Variants in TAS2R1 observed in about 807,000 individuals in gnomAD.
TAS2R1 encodes taste receptor type 2 member 1.
For synonymous variants in TAS2R1, 141 were observed against 134.2 expected (o/e 1.05, Z -0.35); for missense variants, 370 against 353.4 (o/e 1.05, Z -0.38).
chr5:9,749,546 G>A, the TAS2R1 span, among the ~76,000 whole-genome samples: 2,543 of 152,270 alleles, frequency 0.017, 82 homozygotes, highest in African/African-American at 0.057. Flanking sequence ...GGAGACTATA[G>A]GTTAGGCTGA....
At chr5:9,851,518 G>GTTTTTT in the TAS2R1 span, among the ~76,000 whole-genome samples, 4 of 139,404 alleles carry the variant, frequency 2.9e-5, no homozygotes, top group Non-Finnish European at 3.2e-5. Flanking sequence ...GCTGGGATTT[G>GTTTTTT]TTTTTTTTTT....
chr5:9,639,733 A>G (rs1176566798), intron 2 of TAS2R1, among the ~76,000 whole-genome samples: 1 of 152,164 alleles, frequency 6.6e-6, no homozygotes, highest in African/African-American at 2.4e-5. Flanking sequence ...TTTATGTTAG[A>G]TGGCTTCTTT....
chr5:9,775,780 C>G, the TAS2R1 span, among the ~76,000 whole-genome samples: 3 of 151,780 alleles, frequency 2.0e-5, no homozygotes, highest in Non-Finnish European at 4.4e-5. Flanking sequence ...TGTTGGGTGC[C>G]CCATCCTACT....
the TAS2R1 span, among the ~76,000 whole-genome samples, chr5:9,743,642 C>T: frequency 2.0e-5 from 3 of 151,614 alleles, no homozygotes; most frequent in Admixed American, 1.3e-4. Context: ...GATTATACAA[C>T]CCAAAACTGC....
the TAS2R1 span, among the ~76,000 whole-genome samples, chr5:9,815,170 C>T: frequency 4.6e-5 from 7 of 152,214 alleles, no homozygotes; most frequent in Admixed American, 1.3e-4. Flanking sequence ...AAAGTAGCTA[C>T]GTCAAGTGTC....
At chr5:9,687,050 C>T (rs1043829139) in intron 1 of TAS2R1, among the ~76,000 whole-genome samples, 5 of 152,028 alleles carry the variant, frequency 3.3e-5, no homozygotes, top group East Asian at 1.9e-4. Context: ...CTGCAACCTC[C>T]GCCTCCTGGG....
the TAS2R1 span, among the ~76,000 whole-genome samples, chr5:9,845,878 G>T: frequency 6.6e-6 from 1 of 152,104 alleles, no homozygotes; most frequent in Admixed American, 6.5e-5. Flanking sequence ...GCACATTCTA[G>T]GGTAACAGTC....
the TAS2R1 span, among the ~76,000 whole-genome samples, chr5:9,878,775 T>A: frequency 1.3e-5 from 2 of 152,156 alleles, no homozygotes; most frequent in African/African-American, 4.8e-5. Context: ...AAGAATAAAA[T>A]TGTACAAAAC....
At chr5:9,813,230 G>A in the TAS2R1 span, among the ~76,000 whole-genome samples, 3 of 152,132 alleles carry the variant, frequency 2.0e-5, no homozygotes, top group Non-Finnish European at 4.4e-5. Flanking sequence ...GAGAGGCTTG[G>A]AACAGATCTT....
chr5:9,726,198 TTGTGAATGCACCAA>T, the TAS2R1 span, among the ~76,000 whole-genome samples: 1 of 152,166 alleles, frequency 6.6e-6, no homozygotes, highest in East Asian at 1.9e-4. Context: ...ACCTCAGGGT[TTGTGAATGCACCAA>T]TCGACACTCT....
chr5:9,875,223 G>C, the TAS2R1 span, among the ~76,000 whole-genome samples: 1 of 152,152 alleles, frequency 6.6e-6, no homozygotes, highest in Non-Finnish European at 1.5e-5. Context: ...ATGAGGGAGC[G>C]GGCAGGAGCC....
chr5:9,893,049 A>T, the TAS2R1 span, among the ~76,000 whole-genome samples: 3 of 152,086 alleles, frequency 2.0e-5, no homozygotes, highest in African/African-American at 7.2e-5. Flanking sequence ...AAACCAAGTC[A>T]CTCCAGCTTT....
At chr5:9,774,975 C>T in the TAS2R1 span, among the ~76,000 whole-genome samples, 1 of 152,222 alleles carries the variant, frequency 6.6e-6, no homozygotes, top group Admixed American at 6.5e-5. Flanking sequence ...CTACAATCAG[C>T]AGCTGCAAAA....
chr5:9,872,680 T>A, the TAS2R1 span, among the ~76,000 whole-genome samples: 1 of 152,236 alleles, frequency 6.6e-6, no homozygotes, highest in Non-Finnish European at 1.5e-5. Flanking sequence ...CACCTGTGAA[T>A]TTATCCTACC....
At chr5:9,743,876 C>A in the TAS2R1 span, among the ~76,000 whole-genome samples, 2 of 152,080 alleles carry the variant, frequency 1.3e-5, no homozygotes, top group Non-Finnish European at 2.9e-5. Flanking sequence ...TTTAAAAACA[C>A]AATTATTAGT....
intron 2 of TAS2R1, among the ~76,000 whole-genome samples, chr5:9,656,263 T>C (rs549772548): frequency 6.6e-6 from 1 of 152,364 alleles, no homozygotes; most frequent in African/African-American, 2.4e-5. Context: ...AAGATTTAAG[T>C]TGTGGCACTT....
At chr5:9,743,697 T>C in the TAS2R1 span, among the ~76,000 whole-genome samples, 1 of 152,212 alleles carries the variant, frequency 6.6e-6, no homozygotes. Context: ...TCACGAATTG[T>C]ACATAACATA....
upstream of TAS2R1, among the ~76,000 whole-genome samples, chr5:9,631,398 C>G (rs78359321): frequency 0.028 from 4,296 of 152,266 alleles, 74 homozygotes; most frequent in Middle Eastern, 0.078. Flanking sequence ...CACCACCATG[C>G]CTGACTGCTT....
At chr5:9,768,193 T>C in the TAS2R1 span, among the ~76,000 whole-genome samples, 2 of 152,174 alleles carry the variant, frequency 1.3e-5, no homozygotes, top group East Asian at 1.9e-4. Context: ...TGGAATGTTC[T>C]ACCCGAAGTC....
Sources: gnomAD v4.1 joint callset for allele counts (sites outside exome capture counted in the v4.1 genomes callset) on GRCh38, gnomAD v4.1.1 for gene constraint, MANE v1.5 for transcripts, NCBI Gene and HGNC (gene_info 2026-07-23, HGNC 2026-07-21) for gene names.